CEP170B: variants seen among roughly 807,000 people sequenced by gnomAD.
CEP170B encodes centrosomal protein of 170 kDa protein B.
Under a neutral mutation model 120.6 loss-of-function variants are expected in CEP170B, and 55 were observed. The ratio of observed to expected loss-of-function variants is 0.46; its 90% confidence interval spans 0.37 to 0.57. The LOEUF (loss-of-function observed/expected upper bound fraction) is 0.57. Ranked by LOEUF, CEP170B falls within the 20% of genes least tolerant of loss-of-function variation. CEP170B has a pLI of 0.00. For missense variants in CEP170B, 2,212 were observed against 2,253.3 expected, an observed-to-expected ratio of 0.98 and a Z score of 0.37; for synonymous variants, 1,033 against 954.5, an observed-to-expected ratio of 1.08 and a Z score of -1.52.
At chr14:104,890,993 G>T (rs1272624553) in intron 13 of CEP170B, among the ~76,000 whole-genome samples, 1 of 126,710 alleles carries the variant, frequency 7.9e-6, no homozygotes, top group African/African-American at 3.1e-5. Flanking sequence ...GGATGGGTGG[G>T]TGGGTGTGGA....
At position 104,889,856 on chromosome 14, in the gene CEP170B, G is replaced by C. The variant is rs1896702189; in HGVS notation, c.3878+98G>C. ...GGACCAGGCTGGGAGCTCCCTTCTT[G>C]AGTGGATAGATGGTACGGCAGATGG... is the stretch of plus-strand genomic sequence containing the variant. On this transcript the variant is annotated intron_variant, in intron 13 of 18. Transcript: ENST00000414716. 1.0e-5 allele frequency: 13 copies of C among 1,293,920 alleles called. No individual in the cohort carries two copies. The East Asian group carries it at 3.0e-4, about 30-fold the overall frequency. The allele number at this position is 1,293,920 out of a possible 1,614,324, so 80.2% of individuals were successfully genotyped here.
Position 104,887,120 on chromosome 14 carries a change from A to ACCG in CEP170B, c.2882_2884dup (p.Thr961_Val962insAla). 6.2e-7 allele frequency: 1 copy of ACCG among 1,610,728 alleles called. No homozygotes were observed. The highest frequency in any genetic ancestry group is 8.5e-7 in the Non-Finnish European group (1 of 1,179,660). ...GGACTCGGACGTGGACACAGCCAGC[A>ACCG]CCGTCAGCCTGCGTAGTGGCAAGAG... is the stretch of plus-strand genomic sequence containing the variant. On this transcript the variant is annotated inframe_insertion, in exon 12 of 19. Coordinates refer to ENST00000414716, the MANE Select transcript of CEP170B (RefSeq NM_001112726.3).
intron 5 of CEP170B, among the ~76,000 whole-genome samples, chr14:104,879,172 C>A (rs1036028832): frequency 6.6e-6 from 1 of 152,158 alleles, no homozygotes; most frequent in African/African-American, 2.4e-5. Context: ...AGTCTCTAGA[C>A]AGAGTGTTTA....
At chr14:104,890,136 G>T in intron 13 of CEP170B, among the ~76,000 whole-genome samples, 1 of 98,710 alleles carries the variant, frequency 1.0e-5, no homozygotes, top group Non-Finnish European at 2.1e-5. Context: ...ATGGGAGGGT[G>T]GGTGGGTGGA....
In CEP170B at chr14:104,895,022, ACC is replaced by A; in HGVS notation, c.*66_*67del. 6.9e-7 allele frequency: 1 copy of A among 1,440,794 alleles called. No homozygotes were observed. Among genetic ancestry groups the A allele is most frequent in the Non-Finnish European group, 9.2e-7 (1 of 1,091,314 alleles). The allele number at this position is 1,440,794 out of a possible 1,614,324, so 89.3% of individuals were successfully genotyped here. A position where few individuals can be genotyped will look rare whatever the true frequency, so the allele number is the denominator to read the frequency against. On this transcript the variant is annotated 3_prime_UTR_variant, in exon 19 of 19. Coordinates refer to ENST00000414716, the MANE Select transcript of CEP170B (RefSeq NM_001112726.3). ...CGTCTCTGCCTTCCGTCCGCCGCAC[ACC>A]CGCCTGCCTGGCCGCAGGTGGTTCT...
At chr14:104,872,976 G>A (rs1232299689) in intron 2 of CEP170B, among the ~76,000 whole-genome samples, 2 of 152,218 alleles carry the variant, frequency 1.3e-5, no homozygotes, top group Admixed American at 1.3e-4. Flanking sequence ...ACCGAGTTCC[G>A]TCCACAGCCC....
In CEP170B at chr14:104,868,635, ACTTG is replaced by A. The variant is rs1895310142; in HGVS notation, c.105+83_105+86del. 1 of 1,355,480 alleles carries A rather than the reference ACTTG, an allele frequency of 7.4e-7. No homozygotes were observed. The highest frequency in any genetic ancestry group is 1.4e-5 in the African/African-American group (1 of 69,108). 84.0% of individuals were successfully genotyped at this position (1,355,480 alleles called of 1,614,324 possible). ...TGGAGGCCAGGAAGGTGCCCACCCC[ACTTG>A]CTGCAGGCCACCCTGGCGAGGAGGC... is the stretch of plus-strand genomic sequence containing the variant. On this transcript the variant is annotated intron_variant, in intron 2 of 18. Transcript: ENST00000414716. This position sits in a 1 kb window ranked among gnomAD's most constrained non-coding sequence, Gnocchi z 5.9.
At chr14:104,879,767 G>A (rs772614300) in intron 5 of CEP170B, among the ~76,000 whole-genome samples, 3 of 152,214 alleles carry the variant, frequency 2.0e-5, no homozygotes, top group African/African-American at 4.8e-5. Flanking sequence ...GCCCCTGTGG[G>A]GGGCGTGAGG....
At position 104,868,746 on chromosome 14, in the gene CEP170B, G is replaced by T. The variant is rs1402849694; in HGVS notation, c.105+191G>T. Among the ~76,000 whole-genome samples, 3 of 152,182 alleles carry T rather than the reference G, an allele frequency of 2.0e-5. No homozygotes were observed. Among genetic ancestry groups the T allele is most frequent in the African/African-American group, 7.2e-5 (3 of 41,438 alleles). Reference sequence around the variant, plus strand: ...TGGGGCTCCCGTGGGTGCGTGCAGGGGTGTGTGTGTGCTCACAGGCTCGGG... The same window carrying T: ...TGGGGCTCCCGTGGGTGCGTGCAGGTGTGTGTGTGTGCTCACAGGCTCGGG... On this transcript the variant is annotated intron_variant, in intron 2 of 18. Transcript: ENST00000414716. The surrounding 1 kb of genome is among the most constrained non-coding windows in gnomAD (Gnocchi z 5.9).
rs771925178 is a variant in CEP170B, at chr14:104,886,744, C to T, written c.2505C>T (p.Gly835=). 8 of 1,609,726 alleles carry T rather than the reference C, an allele frequency of 5.0e-6. No individual in the cohort carries two copies. The highest frequency in any genetic ancestry group is 2.7e-5 in the African/African-American group (2 of 74,906). ...TAQPSPPARD[G]VYVSANGRMV... is the part of the protein sequence containing the mutation. ...AGCCCAGCCCCCCAGCACGGGATGG[C>T]GTCTATGTCAGTGCCAATGGGAGAA... is the stretch of plus-strand genomic sequence containing the variant. The change falls in exon 12 of 19, where the codon GGC becomes GGT. Residue 835 remains glycine, a synonymous_variant. Coordinates refer to ENST00000414716, the MANE Select transcript of CEP170B (RefSeq NM_001112726.3).
chr14:104,885,383 G>T lies in CEP170B; in HGVS notation c.1785G>T (p.Leu595Phe). 1 of 1,565,500 alleles carries T rather than the reference G, an allele frequency of 6.4e-7. No individual in the cohort carries two copies. Among genetic ancestry groups the T allele is most frequent in the East Asian group, 2.4e-5 (1 of 42,120 alleles). ...RKMIDQVFGV[L>F]ESPELSRASS... Reference sequence around the variant, plus strand: ...CCTCTTGGCAGGTCTTTGGGGTGTTGGAGTCCCCTGAACTCTCCAGGGCAT... The same window carrying T: ...CCTCTTGGCAGGTCTTTGGGGTGTTTGAGTCCCCTGAACTCTCCAGGGCAT... Residue 595 changes from leucine to phenylalanine, a missense_variant, in exon 10 of 19, where the codon TTG becomes TTT. Physicochemically the swap from Leu to Phe is conservative, Grantham distance 22. Transcript: ENST00000414716.
chr14:104,881,046 TG>T (rs951488310), intron 6 of CEP170B, among the ~76,000 whole-genome samples: 99 of 152,130 alleles, frequency 6.5e-4, no homozygotes, highest in African/African-American at 2.2e-3. Flanking sequence ...AGGCAGGTGA[TG>T]GGGGGGTGAG....
intron 2 of CEP170B, among the ~76,000 whole-genome samples, chr14:104,873,212 C>T (rs943897109): frequency 1.8e-5 from 2 of 112,072 alleles, no homozygotes; most frequent in South Asian, 3.3e-4. Context: ...TGGGAGTGGG[C>T]GGGGCAGCTG....
intron 2 of CEP170B, among the ~76,000 whole-genome samples, chr14:104,874,711 C>T (rs1895740790): frequency 6.6e-6 from 1 of 151,822 alleles, no homozygotes; most frequent in African/African-American, 2.4e-5. Context: ...CACTGCAGTC[C>T]TCCCCCTGGT....
At chr14:104,888,058 T>G in intron 12 of CEP170B, 80 bp downstream of exon 12, 1 of 1,377,372 alleles carries the variant, frequency 7.3e-7, no homozygotes, top group Non-Finnish European at 9.5e-7. Context: ...GCCAGCTGAG[T>G]GCTGGCCGTG....
chr14:104,885,365 G>T lies in CEP170B; in HGVS notation c.1771-4G>T, dbSNP rs1896418516. 2 of 1,554,184 alleles carry T rather than the reference G, an allele frequency of 1.3e-6. No homozygotes were observed. Among genetic ancestry groups the T allele is most frequent in the East Asian group, 2.4e-5 (1 of 41,402 alleles). On this transcript the variant is annotated splice_region_variant and splice_polypyrimidine_tract_variant and intron_variant, in intron 9 of 18. Transcript: ENST00000414716. ...CGGTGCCTGGGACCATTTCCTCTTG[G>T]CAGGTCTTTGGGGTGTTGGAGTCCC...
chr14:104,865,193 G>T (rs1895135091), upstream of CEP170B: 1 of 140,998 alleles, frequency 7.1e-6, no homozygotes, highest in African/African-American at 2.6e-5. The surrounding 1 kb of genome is among the most constrained non-coding windows in gnomAD (Gnocchi z 6.7). Flanking sequence ...GGGGTGCGGC[G>T]CGGCCGGGCG....
At chr14:104,874,951 T>C (rs901365033) in intron 2 of CEP170B, among the ~76,000 whole-genome samples, 1 of 152,208 alleles carries the variant, frequency 6.6e-6, no homozygotes, top group Non-Finnish European at 1.5e-5. Context: ...TCAGAGCCCT[T>C]GCCCCCAACT....
intron 13 of CEP170B, among the ~76,000 whole-genome samples, chr14:104,892,547 C>T (rs370553180): frequency 3.2e-4 from 49 of 152,288 alleles, no homozygotes; most frequent in Admixed American, 1.4e-3. Context: ...CACTCCCTTC[C>T]TTGCCTCAGT....
Sources: allele counts gnomAD v4.1 joint callset (sites outside exome capture counted in the v4.1 genomes callset), GRCh38; gene constraint gnomAD v4.1.1; non-coding constraint Gnocchi (gnomAD v3.1); transcripts MANE v1.5; gene names NCBI Gene and HGNC (gene_info 2026-07-23, HGNC 2026-07-21).